The following SUGCT variants were observed in gnomAD, a reference collection of about 807,000 sequenced individuals.
SUGCT encodes the protein succinyl-CoA:glutarate-CoA transferase, also known as succinyl-CoA:glutarate CoA-transferase.
SUGCT carries 41 observed loss-of-function variants against 55.0 expected under a neutral mutation model. That is an observed-to-expected ratio of 0.74 (90% CI 0.58 to 0.97). The LOEUF (loss-of-function observed/expected upper bound fraction) is 0.97, where lower values mean the gene tolerates loss of function less well. Among genes scored for constraint, SUGCT ranks in the 50% least tolerant of loss-of-function variants. SUGCT has a pLI of 0.00. For synonymous variants in SUGCT, 187 were observed against 200.4 expected (o/e 0.93, Z 0.56); for missense variants, 568 against 547.8 (o/e 1.04, Z -0.37).
the SUGCT span, among the ~76,000 whole-genome samples, chr7:40,883,312 G>C: frequency 6.6e-6 from 1 of 152,196 alleles, no homozygotes; most frequent in Non-Finnish European, 1.5e-5. Context: ...TATTCCTACA[G>C]TCTACCTTCA....
chr7:40,628,111 T>C (rs554901369), intron 12 of SUGCT, among the ~76,000 whole-genome samples: 1 of 152,196 alleles, frequency 6.6e-6, no homozygotes, highest in Non-Finnish European at 1.5e-5. Flanking sequence ...AATTGGAAAA[T>C]ATGATATGCA....
chr7:40,658,593 C>A (rs1447267955), intron 12 of SUGCT, among the ~76,000 whole-genome samples: 7 of 152,110 alleles, frequency 4.6e-5, no homozygotes, highest in Non-Finnish European at 5.9e-5. Flanking sequence ...GGAAGTGTCC[C>A]TGGCTGTACT....
chr7:40,313,668 T>G (rs1017189539), intron 8 of SUGCT, among the ~76,000 whole-genome samples: 3 of 152,162 alleles, frequency 2.0e-5, no homozygotes, highest in African/African-American at 4.8e-5. Context: ...GAGACTCTGT[T>G]GCTGAGGCTG....
the SUGCT span, among the ~76,000 whole-genome samples, chr7:40,906,923 A>G: frequency 2.0e-5 from 3 of 152,136 alleles, no homozygotes; most frequent in Non-Finnish European, 4.4e-5. Context: ...ATCTTCCCAG[A>G]GAGGGAGCAT....
At chr7:40,246,153 T>G (rs1317862121) in intron 7 of SUGCT, among the ~76,000 whole-genome samples, 1 of 152,142 alleles carries the variant, frequency 6.6e-6, no homozygotes, top group Non-Finnish European at 1.5e-5. Context: ...CTTTTTCTAT[T>G]CCCAAGCAAT....
chr7:40,232,966 C>T (rs78711072), intron 6 of SUGCT, among the ~76,000 whole-genome samples: 2,452 of 152,146 alleles, frequency 0.016, 55 homozygotes, highest in African/African-American at 0.057. Flanking sequence ...AAGGAACTAT[C>T]TGGATCCCAG....
the SUGCT span, among the ~76,000 whole-genome samples, chr7:40,872,494 G>C: frequency 6.6e-6 from 1 of 152,186 alleles, no homozygotes; most frequent in Non-Finnish European, 1.5e-5. Context: ...TTACAGGGAA[G>C]ATCTTAGTTC....
Position 40,388,037 on chromosome 7 carries a change from A to G in SUGCT, c.817-61250A>G, listed in dbSNP as rs1785219471. 3 of 152,300 alleles carry G rather than the reference A, an allele frequency of 2.0e-5. No homozygotes were observed. In the South Asian group the frequency reaches 6.2e-4, roughly 32 times the overall value. The allele number at this position is 152,300 out of a possible 1,614,324, so 9.4% of individuals were successfully genotyped here. Reference sequence around the variant, plus strand: ...AGACGCTTGGGCTGACCTAATTGTTAAAGCCTCAGTCAGTGTTATGCTGAA... The same window carrying G: ...AGACGCTTGGGCTGACCTAATTGTTGAAGCCTCAGTCAGTGTTATGCTGAA... On this transcript the variant is annotated intron_variant, in intron 9 of 13. Coordinates refer to ENST00000335693, the MANE Select transcript of SUGCT (RefSeq NM_001193313.2).
chr7:40,607,935 A>T (rs1044286814), intron 12 of SUGCT, among the ~76,000 whole-genome samples: 1 of 152,210 alleles, frequency 6.6e-6, no homozygotes, highest in East Asian at 1.9e-4. Flanking sequence ...AGCCCTGTCT[A>T]TGGAGAATTT....
the SUGCT span, among the ~76,000 whole-genome samples, chr7:40,952,851 G>T: frequency 6.6e-6 from 1 of 152,130 alleles, no homozygotes; most frequent in African/African-American, 2.4e-5. Flanking sequence ...TCCCTTTGTG[G>T]GTAACCCAAC....
intron 12 of SUGCT, among the ~76,000 whole-genome samples, chr7:40,641,702 G>T (rs2151825522): frequency 6.6e-6 from 1 of 152,320 alleles, no homozygotes; most frequent in East Asian, 1.9e-4. Flanking sequence ...ATTCAAAAAT[G>T]TTCCATGTGT....
chr7:40,382,442 G>C lies in SUGCT; in HGVS notation c.816+65587G>C, dbSNP rs1259110763. 3.3e-5 allele frequency among the ~76,000 whole-genome samples: 5 copies of C among 152,176 alleles called. No homozygotes were observed. In the East Asian group the frequency reaches 7.7e-4, roughly 23 times the overall value. ...TCCACTCCACTTTATTGGATAGGAA[G>C]AGGTAATGGGTCACTAGTCTTAGTC... On this transcript the variant is annotated intron_variant, in intron 9 of 13. Coordinates refer to ENST00000335693, the MANE Select transcript of SUGCT (RefSeq NM_001193313.2).
chr7:40,929,358 G>A, the SUGCT span, among the ~76,000 whole-genome samples: 17 of 152,234 alleles, frequency 1.1e-4, no homozygotes, highest in Admixed American at 9.8e-4. Flanking sequence ...AGTCTTTGCT[G>A]TTGTGAATAA....
chr7:40,427,623 C>T lies in SUGCT; in HGVS notation c.817-21664C>T, dbSNP rs999680031. On this transcript the variant is annotated intron_variant, in intron 9 of 13. Transcript: ENST00000335693. ...GTTCCACCTCGGTTTTTATTTTAAC[C>T]TCATAATCAGTCATTGTGGTGGTTT... Among the ~76,000 whole-genome samples, 6 of 151,944 alleles carry T rather than the reference C, an allele frequency of 3.9e-5. 1 individual carries two copies. The highest frequency in any genetic ancestry group is 1.5e-4 in the African/African-American group (6 of 41,352).
the SUGCT span, among the ~76,000 whole-genome samples, chr7:40,950,407 G>A: frequency 6.6e-6 from 1 of 152,174 alleles, no homozygotes; most frequent in Non-Finnish European, 1.5e-5. Context: ...TGCAAACAGG[G>A]ACAATTTGAC....
the SUGCT span, among the ~76,000 whole-genome samples, chr7:40,963,223 T>C: frequency 6.6e-6 from 1 of 152,106 alleles, no homozygotes; most frequent in Non-Finnish European, 1.5e-5. Context: ...AGAGATACTT[T>C]TGGTGAATGT....
At chr7:40,186,320 G>T (rs984778206) in intron 3 of SUGCT, among the ~76,000 whole-genome samples, 1 of 150,122 alleles carries the variant, frequency 6.7e-6, no homozygotes, top group Admixed American at 6.7e-5. Flanking sequence ...GTGCAGTGGC[G>T]CACTCCTGGC....
chr7:40,806,701 T>A (rs147424103), intron 13 of SUGCT, among the ~76,000 whole-genome samples: 1 of 152,338 alleles, frequency 6.6e-6, no homozygotes, highest in African/African-American at 2.4e-5. Context: ...TTTCTTTAAC[T>A]GGTCCTTCAC....
chr7:40,767,291 A>AT (rs751682942), intron 13 of SUGCT, among the ~76,000 whole-genome samples: 1 of 152,246 alleles, frequency 6.6e-6, no homozygotes, highest in Non-Finnish European at 1.5e-5. Flanking sequence ...AGCCATCTGT[A>AT]TAGAGTTTTG....
Sources: gnomAD v4.1 joint callset for allele counts (sites outside exome capture counted in the v4.1 genomes callset) on GRCh38, gnomAD v4.1.1 for gene constraint, MANE v1.5 for transcripts, NCBI Gene and HGNC (gene_info 2026-07-23, HGNC 2026-07-21) for gene names.